Variants in KDM4C observed in about 807,000 individuals in gnomAD.
KDM4C encodes the protein lysine-specific demethylase 4C.
KDM4C carries 81 observed loss-of-function variants against 129.3 expected under a neutral mutation model. The ratio of observed to expected loss-of-function variants is 0.63; its 90% CI spans 0.52 to 0.75. KDM4C has a LOEUF of 0.75. Ranked by LOEUF, KDM4C falls within the 30% of genes least tolerant of loss-of-function variation. KDM4C has a pLI of 0.00. For missense variants in KDM4C, 1,457 were observed against 1,304.0 expected, an observed-to-expected ratio of 1.12 and a Z score of -1.81; for synonymous variants, 573 against 456.1, an observed-to-expected ratio of 1.26 and a Z score of -3.26.
intron 17 of KDM4C, among the ~76,000 whole-genome samples, chr9:7,082,460 G>C (rs1834641776): frequency 6.6e-6 from 1 of 152,200 alleles, no homozygotes; most frequent in South Asian, 2.1e-4. Context: ...GGATTTTCCA[G>C]AGCCTTTCAG....
intron 8 of KDM4C, among the ~76,000 whole-genome samples, chr9:6,946,309 T>C (rs1315997536): frequency 1.3e-5 from 2 of 152,154 alleles, no homozygotes; most frequent in South Asian, 4.1e-4. Context: ...ATTAATTATA[T>C]AGAGATGTAC....
chr9:7,165,520 C>T (rs752149881), intron 20 of KDM4C, among the ~76,000 whole-genome samples, 163 bp downstream of exon 20: 1 of 152,182 alleles, frequency 6.6e-6, no homozygotes, highest in Non-Finnish European at 1.5e-5. Context: ...AGGTCGAAAC[C>T]CTGGAGTTTT....
At chr9:7,057,707 G>A (rs1831055952) in intron 17 of KDM4C, among the ~76,000 whole-genome samples, 2 of 152,186 alleles carry the variant, frequency 1.3e-5, no homozygotes, top group Admixed American at 1.3e-4. Context: ...GTAAGCAACA[G>A]GAATTTTCTT....
chr9:7,086,298 C>T (rs1835107534), intron 17 of KDM4C, among the ~76,000 whole-genome samples: 1 of 152,122 alleles, frequency 6.6e-6, no homozygotes. Flanking sequence ...TGAGTTAGGC[C>T]AAACAGCATT....
rs116947042 is a variant in KDM4C, at chr9:6,731,112, G to A, written c.49+10115G>A. Among the ~76,000 whole-genome samples, 350 of 152,136 alleles carry A rather than the reference G, an allele frequency of 2.3e-3. 8 individuals carry two copies. In the East Asian group the frequency reaches 0.049, roughly 21 times the overall value. On this transcript the variant is annotated intron_variant, in intron 1 of 17. Transcript: ENST00000536108. The stretch of plus-strand genomic sequence containing the variant: ...TGATGTCACTATCACCGTCATAAAT[G>A]TACTTATTTGATATTGAAACTCACT...
chr9:7,072,436 C>T (rs571235107), intron 17 of KDM4C, among the ~76,000 whole-genome samples: 5 of 152,280 alleles, frequency 3.3e-5, no homozygotes, highest in African/African-American at 1.2e-4. Context: ...TAATGCTACT[C>T]AGCACTAAAA....
At chr9:6,875,453 T>G (rs1163223283) in intron 5 of KDM4C, among the ~76,000 whole-genome samples, 3 of 152,176 alleles carry the variant, frequency 2.0e-5, no homozygotes. Flanking sequence ...TTATTCCTGT[T>G]TAGGACAGGA....
At chr9:6,932,758 C>A (rs148179269) in intron 8 of KDM4C, among the ~76,000 whole-genome samples, 196 of 152,284 alleles carry the variant, frequency 1.3e-3, no homozygotes, top group African/African-American at 4.4e-3. Flanking sequence ...CGTTTAGGGG[C>A]ATTTTTTTGA....
chr9:6,934,211 G>A (rs2131334361), intron 8 of KDM4C, among the ~76,000 whole-genome samples: 1 of 151,972 alleles, frequency 6.6e-6, no homozygotes, highest in South Asian at 2.1e-4. Context: ...GCTGGGCGCG[G>A]GGTCTCACGC....
chr9:6,869,386 T>G (rs1746203507), intron 5 of KDM4C, among the ~76,000 whole-genome samples: 1 of 152,240 alleles, frequency 6.6e-6, no homozygotes, highest in Non-Finnish European at 1.5e-5. Context: ...ATGCCTAGCT[T>G]ACAAGGCAAG....
chr9:6,933,072 G>A (rs1232602536), intron 8 of KDM4C, among the ~76,000 whole-genome samples: 2 of 140,112 alleles, frequency 1.4e-5, no homozygotes, highest in African/African-American at 5.1e-5. Flanking sequence ...CCATCTCAAA[G>A]AATTTTAATT....
chr9:6,952,608 T>C (rs1828369065), intron 8 of KDM4C, among the ~76,000 whole-genome samples: 1 of 151,784 alleles, frequency 6.6e-6, no homozygotes, highest in Admixed American at 6.6e-5. Context: ...GCCTGGCTGA[T>C]TTTTGTGTTT....
At chr9:6,756,439 G>A (rs1036804424), upstream of KDM4C, among the ~76,000 whole-genome samples, 2 of 152,192 alleles carry the variant, frequency 1.3e-5, no homozygotes, top group South Asian at 2.1e-4. Context: ...GTGTGTGGCC[G>A]GGTGAAGTGG....
chr9:6,895,970 A>G (rs991786383), intron 8 of KDM4C, among the ~76,000 whole-genome samples: 2 of 152,004 alleles, frequency 1.3e-5, no homozygotes, highest in African/African-American at 4.8e-5. Context: ...TTTTACCCAG[A>G]TTTTGGTATC....
At chr9:6,958,601 G>A (rs148999560) in intron 8 of KDM4C, among the ~76,000 whole-genome samples, 37 of 151,072 alleles carry the variant, frequency 2.4e-4, no homozygotes, top group African/African-American at 8.5e-4. Flanking sequence ...AAAAAAAATC[G>A]TATCACACTG....
intron 8 of KDM4C, among the ~76,000 whole-genome samples, chr9:6,952,536 G>C: frequency 6.6e-6 from 1 of 151,946 alleles, no homozygotes; most frequent in Non-Finnish European, 1.5e-5. Flanking sequence ...TGCCTCCTGG[G>C]TTCAAGTTAT....
chr9:7,026,830 G>A (rs942632988), intron 15 of KDM4C, among the ~76,000 whole-genome samples: 2 of 151,476 alleles, frequency 1.3e-5, no homozygotes, highest in East Asian at 2.0e-4. Context: ...ACCTGTCTTC[G>A]AGTTCACTAG....
intron 12 of KDM4C, among the ~76,000 whole-genome samples, chr9:7,008,844 A>G (rs1822166587): frequency 6.6e-6 from 1 of 152,230 alleles, no homozygotes; most frequent in Non-Finnish European, 1.5e-5. Flanking sequence ...CCCTTGGACC[A>G]TGCCAGATGG....
chr9:6,857,392 T>C (rs1840054167), intron 5 of KDM4C, among the ~76,000 whole-genome samples: 1 of 152,250 alleles, frequency 6.6e-6, no homozygotes, highest in Non-Finnish European at 1.5e-5. Flanking sequence ...CTGCTAGCTA[T>C]ATTTGTAAGA....
Sources: allele counts gnomAD v4.1 joint callset (sites outside exome capture counted in the v4.1 genomes callset), GRCh38; gene constraint gnomAD v4.1.1; transcripts MANE v1.5; gene names NCBI Gene and HGNC (gene_info 2026-07-23, HGNC 2026-07-21).